Variants in ZNF420 observed in about 807,000 individuals in gnomAD.
The protein encoded by ZNF420 is ATM and p53-associated KZNF protein.
Under a neutral mutation model 44.7 loss-of-function variants are expected in ZNF420, and 31 were observed. The ratio of observed to expected loss-of-function variants is 0.69; its 90% CI spans 0.52 to 0.94. The LOEUF is 0.94. Among genes scored for constraint, ZNF420 ranks in the 40% least tolerant of loss-of-function variants. The pLI is 0.00. For missense variants in ZNF420, 681 were observed against 827.9 expected (o/e 0.82, Z 2.18); for synonymous variants, 245 against 267.4 (o/e 0.92, Z 0.82).
intron 4 of ZNF420, among the ~76,000 whole-genome samples, chr19:37,118,494 T>C (rs12972633): frequency 0.026 from 3,938 of 152,050 alleles, 75 homozygotes; most frequent in Middle Eastern, 0.065. Flanking sequence ...AGGAACAACC[T>C]GTACCAGCCA....
intron 4 of ZNF420, among the ~76,000 whole-genome samples, chr19:37,104,080 A>G (rs1376688353): frequency 1.3e-5 from 2 of 150,836 alleles, no homozygotes; most frequent in African/African-American, 2.4e-5. Context: ...TACTGCACCC[A>G]TTAACTCGTC....
intron 1 of ZNF420, among the ~76,000 whole-genome samples, chr19:37,017,996 A>G (rs1378478842): frequency 6.6e-6 from 1 of 152,194 alleles, no homozygotes; most frequent in East Asian, 1.9e-4. Context: ...GACAAAAAAA[A>G]GTTTCATTTC....
At chr19:37,035,833 T>C (rs1967345006) in intron 1 of ZNF420, among the ~76,000 whole-genome samples, 1 of 152,166 alleles carries the variant, frequency 6.6e-6, no homozygotes, top group Admixed American at 6.5e-5. Context: ...ATAATCATAA[T>C]CATAAAAATA....
At chr19:37,118,838 G>A (rs1442575853) in intron 4 of ZNF420, among the ~76,000 whole-genome samples, 2 of 151,910 alleles carry the variant, frequency 1.3e-5, no homozygotes, top group Non-Finnish European at 2.9e-5. Flanking sequence ...TGATAAAACA[G>A]ACTTTAAACC....
intron 4 of ZNF420, among the ~76,000 whole-genome samples, chr19:37,109,139 C>A (rs530200800): frequency 2.0e-5 from 3 of 150,300 alleles, no homozygotes; most frequent in South Asian, 4.2e-4. Flanking sequence ...AGGCATTAAA[C>A]ATCCTGGTGT....
intron 4 of ZNF420, among the ~76,000 whole-genome samples, chr19:37,101,867 A>C (rs1969795801): frequency 6.6e-6 from 1 of 152,176 alleles, no homozygotes; most frequent in African/African-American, 2.4e-5. Context: ...AGAGGGCTGG[A>C]GCTGAGACTG....
intron 1 of ZNF420, among the ~76,000 whole-genome samples, chr19:37,059,611 C>T (rs1210399994): frequency 1.3e-5 from 2 of 152,142 alleles, no homozygotes; most frequent in African/African-American, 2.4e-5. Flanking sequence ...CTCAGGCCTG[C>T]CCGGACGTGT....
chr19:37,045,840 A>T (rs1275919003), intron 1 of ZNF420, among the ~76,000 whole-genome samples: 1 of 152,224 alleles, frequency 6.6e-6, no homozygotes, highest in African/African-American at 2.4e-5. Context: ...TTGCTGACTA[A>T]TATGTAGCAT....
intron 1 of ZNF420, among the ~76,000 whole-genome samples, chr19:37,032,507 G>GAAAAAA (rs35765701): frequency 8.1e-6 from 1 of 124,136 alleles, no homozygotes; most frequent in South Asian, 2.9e-4. Context: ...CGGTCTTTAA[G>GAAAAAA]AAAAAAAAAA....
chr19:37,129,199 C>A lies in ZNF420; in HGVS notation c.*141C>A. ...TTTATGTGAGAGAAAATGGTAGTGT[C>A]ATTCATATAGAAAAACATCATTACT... On this transcript the variant is annotated 3_prime_UTR_variant, in exon 5 of 5. Coordinates refer to ENST00000337995, the MANE Select transcript of ZNF420 (RefSeq NM_144689.5). The A allele has an allele frequency of 9.6e-7, 1 of 1,044,054 alleles. No individual in the cohort carries two copies. The highest frequency in any genetic ancestry group is 1.4e-6 in the Non-Finnish European group (1 of 726,224). 64.7% of individuals were successfully genotyped at this position (1,044,054 alleles called of 1,614,324 possible).
chr19:37,055,783 GAC>G (rs1337789362), intron 1 of ZNF420, among the ~76,000 whole-genome samples: 5 of 152,174 alleles, frequency 3.3e-5, no homozygotes, highest in Non-Finnish European at 7.3e-5. Flanking sequence ...GATTCCAGGA[GAC>G]ACGGAGGGGC....
intron 1 of ZNF420, among the ~76,000 whole-genome samples, chr19:37,039,945 G>A (rs926987991): frequency 1.3e-5 from 2 of 152,058 alleles, no homozygotes; most frequent in African/African-American, 4.8e-5. Context: ...GCCCAGGCTG[G>A]TCTCAAACTT....
chr19:37,055,385 G>A (rs1967722204), intron 1 of ZNF420, among the ~76,000 whole-genome samples: 1 of 152,102 alleles, frequency 6.6e-6, no homozygotes, highest in East Asian at 1.9e-4. Context: ...CCCAGCCGGC[G>A]ACCTGAAGCT....
chr19:37,090,469 A>G (rs530574613), intron 3 of ZNF420, among the ~76,000 whole-genome samples: 2 of 152,318 alleles, frequency 1.3e-5, no homozygotes, highest in Admixed American at 1.3e-4. Flanking sequence ...TGATGGTGCC[A>G]CTGCACTCCA....
intron 1 of ZNF420, among the ~76,000 whole-genome samples, chr19:37,069,526 C>T (rs1015034005): frequency 1.6e-4 from 24 of 152,226 alleles, no homozygotes; most frequent in African/African-American, 5.8e-4. Flanking sequence ...GACAGCTTAG[C>T]ATAACCTACT....
At chr19:37,061,110 G>T (rs532562831) in intron 1 of ZNF420, among the ~76,000 whole-genome samples, 1 of 152,154 alleles carries the variant, frequency 6.6e-6, no homozygotes, top group African/African-American at 2.4e-5. Flanking sequence ...TCCGGAACAT[G>T]CCTGGACACC....
intron 1 of ZNF420, among the ~76,000 whole-genome samples, chr19:37,022,932 T>A (rs1259707079): frequency 6.6e-6 from 1 of 152,106 alleles, no homozygotes; most frequent in Non-Finnish European, 1.5e-5. Flanking sequence ...GGTCAGGCGT[T>A]CGAGACAAGC....
chr19:37,128,606 G>T lies in ZNF420; in HGVS notation c.1615G>T (p.Ala539Ser), dbSNP rs746703585. 4 of 1,613,674 alleles carry T rather than the reference G, an allele frequency of 2.5e-6. No individual in the cohort carries two copies. In the South Asian group the frequency reaches 4.4e-5, roughly 18 times the overall value. ...CTATGTGTGTAATGAATGTGGAAAGGCCTTTGCGCGTGGCTTACTACTTAT... is the reference window on the plus strand; with the variant it reads ...CTATGTGTGTAATGAATGTGGAAAGTCCTTTGCGCGTGGCTTACTACTTAT... The part of the protein sequence containing the change: ...KPYVCNECGK[A>S]FARGLLLIQH... The change falls in exon 5 of 5, where the codon GCC becomes TCC. Residue 539 changes from alanine to serine, a missense_variant. Physicochemically the swap from Ala to Ser is moderately conservative, Grantham distance 99 (BLOSUM62 1). Transcript: ENST00000337995.
upstream of ZNF420, among the ~76,000 whole-genome samples, chr19:37,076,942 G>A (rs572774818): frequency 7.9e-5 from 12 of 152,200 alleles, no homozygotes; most frequent in African/African-American, 2.9e-4. Context: ...ACACACACAG[G>A]TTCATTCCCT....
Sources: allele counts gnomAD v4.1 joint callset (sites outside exome capture counted in the v4.1 genomes callset), GRCh38; gene constraint gnomAD v4.1.1; transcripts MANE v1.5; gene names NCBI Gene and HGNC (gene_info 2026-07-23, HGNC 2026-07-21).